Variants in FAF1 observed in about 807,000 individuals in gnomAD.
FAF1 encodes Fas associated factor 1.
A neutral mutation model predicts 92.5 loss-of-function variants in FAF1; 25 were observed. The ratio of observed to expected loss-of-function variants is 0.27; its 90% CI spans 0.20 to 0.38. FAF1 has a LOEUF of 0.38. Ranked by LOEUF, FAF1 falls within the 10% of genes least tolerant of loss-of-function variation. FAF1 has a pLI of 1.00. For missense variants in FAF1, 636 were observed against 793.3 expected (o/e 0.80, Z 2.38); for synonymous variants, 234 against 273.2 (o/e 0.86, Z 1.42).
intron 1 of FAF1, among the ~76,000 whole-genome samples, chr1:50,868,033 TAG>T (rs1448047573): frequency 2.6e-5 from 4 of 152,144 alleles, no homozygotes; most frequent in Admixed American, 1.3e-4. Context: ...CACAGCAACC[TAG>T]AAGGAGTTGA....
chr1:50,479,980 T>C (rs534246385), intron 17 of FAF1, among the ~76,000 whole-genome samples: 1 of 152,312 alleles, frequency 6.6e-6, no homozygotes, highest in South Asian at 2.1e-4. Context: ...GCAAACACTG[T>C]TGTAAAACAA....
intron 13 of FAF1, among the ~76,000 whole-genome samples, chr1:50,546,870 T>C (rs1420738498): frequency 1.3e-5 from 2 of 152,254 alleles, no homozygotes; most frequent in African/African-American, 4.8e-5. Flanking sequence ...CTGCATGTAA[T>C]CCCAAACCTT....
chr1:50,830,897 GA>G (rs1005919215), intron 2 of FAF1, among the ~76,000 whole-genome samples: 1 of 151,834 alleles, frequency 6.6e-6, no homozygotes, highest in Non-Finnish European at 1.5e-5. Flanking sequence ...CCATTTGGAA[GA>G]AAAAAACTTG....
intron 8 of FAF1, among the ~76,000 whole-genome samples, chr1:50,606,395 A>T (rs1180573496): frequency 6.6e-6 from 1 of 151,700 alleles, no homozygotes; most frequent in Non-Finnish European, 1.5e-5. Flanking sequence ...TTATAAAGAG[A>T]GAAGGGTTTC....
chr1:50,630,036 G>A (rs930292406), intron 8 of FAF1, among the ~76,000 whole-genome samples: 2 of 151,068 alleles, frequency 1.3e-5, no homozygotes, highest in African/African-American at 4.9e-5. Context: ...CCAGCCTGGC[G>A]ACAGAGCGAG....
At chr1:50,708,815 T>C (rs1657797697) in intron 6 of FAF1, among the ~76,000 whole-genome samples, 1 of 152,076 alleles carries the variant, frequency 6.6e-6, no homozygotes, top group Non-Finnish European at 1.5e-5. Flanking sequence ...AAGAAATAAC[T>C]GTTTCAAATA....
Position 50,744,694 on chromosome 1 carries a change from A to G in FAF1, c.449T>C (p.Val150Ala). 1 of 1,601,694 alleles carries G rather than the reference A, an allele frequency of 6.2e-7. No individual in the cohort carries two copies. The highest frequency in any genetic ancestry group is 8.5e-7 in the Non-Finnish European group (1 of 1,172,006). The change falls in exon 5 of 19, where the codon GTG becomes GCG. Residue 150 changes from valine to alanine, a missense_variant. Val to Ala is a moderately conservative substitution (Grantham distance 64, BLOSUM62 0). This residue lies in a region of FAF1 where 317 missense variants were observed against 342.4 expected (regional missense o/e 0.93). Transcript: ENST00000396153. ...AATTAAGAAACTCACACTGTCTTCC[A>G]CATCTCCCGTCTTCCAGCCTTTTAA... ...MLLKGWKTGD[V>A]EDSTVLKSLH...
chr1:50,928,940 C>G (rs1002530280), intron 1 of FAF1, among the ~76,000 whole-genome samples: 1 of 151,326 alleles, frequency 6.6e-6, no homozygotes, highest in African/African-American at 2.4e-5. Context: ...AAAGAAATAC[C>G]CAGGCATGGT....
At chr1:50,691,968 TC>T (rs1360662649) in intron 7 of FAF1, among the ~76,000 whole-genome samples, 1 of 152,152 alleles carries the variant, frequency 6.6e-6, no homozygotes, top group Non-Finnish European at 1.5e-5. Context: ...ACACCTGTAA[TC>T]CTTTGGGAGG....
intron 5 of FAF1, among the ~76,000 whole-genome samples, chr1:50,742,278 C>T (rs554421848): frequency 6.6e-6 from 1 of 151,760 alleles, no homozygotes; most frequent in African/African-American, 2.4e-5. Flanking sequence ...TGTACCGCTG[C>T]ACTCCAGCCT....
intron 8 of FAF1, among the ~76,000 whole-genome samples, chr1:50,642,033 T>C (rs1654356896): frequency 6.6e-6 from 1 of 151,830 alleles, no homozygotes; most frequent in African/African-American, 2.4e-5. Context: ...TGAAACCCCA[T>C]CTCTACTGAA....
chr1:50,676,573 C>G (rs1019681603), intron 7 of FAF1, among the ~76,000 whole-genome samples: 3 of 152,084 alleles, frequency 2.0e-5, no homozygotes, highest in African/African-American at 7.2e-5. Context: ...GTAATCCCAG[C>G]ACTTTGGGAG....
At chr1:50,897,675 G>T (rs958739711) in intron 1 of FAF1, among the ~76,000 whole-genome samples, 3 of 152,142 alleles carry the variant, frequency 2.0e-5, no homozygotes, top group Admixed American at 6.5e-5. Context: ...ATGGACTGTG[G>T]TATTGAACCC....
chr1:50,822,247 A>C (rs973234438), intron 2 of FAF1, among the ~76,000 whole-genome samples: 1 of 152,158 alleles, frequency 6.6e-6, no homozygotes, highest in East Asian at 1.9e-4. Context: ...AACTCTTCCA[A>C]GTAGATATCA....
chr1:50,518,397 T>C (rs1233376435), intron 15 of FAF1, among the ~76,000 whole-genome samples: 2 of 152,096 alleles, frequency 1.3e-5, no homozygotes, highest in Non-Finnish European at 2.9e-5. Flanking sequence ...TTGGCAATTA[T>C]GAACACAGCT....
chr1:50,481,558 T>C (rs892083593), intron 17 of FAF1, among the ~76,000 whole-genome samples: 35 of 152,168 alleles, frequency 2.3e-4, no homozygotes, highest in Non-Finnish European at 4.7e-4. Context: ...CTATACTATC[T>C]ATGTTTGTGT....
chr1:50,509,719 T>C (rs1189642794), intron 15 of FAF1, among the ~76,000 whole-genome samples: 1 of 152,096 alleles, frequency 6.6e-6, no homozygotes, highest in Admixed American at 6.5e-5. Flanking sequence ...ATTCCAGTCC[T>C]CCTTTCATCT....
At chr1:50,493,018 T>A (rs1005403921) in intron 15 of FAF1, among the ~76,000 whole-genome samples, 1 of 151,442 alleles carries the variant, frequency 6.6e-6, no homozygotes, top group Non-Finnish European at 1.5e-5. Flanking sequence ...CAGTCATCGA[T>A]TAAAGGATTA....
chr1:50,864,276 G>A (rs1317376366), intron 1 of FAF1, among the ~76,000 whole-genome samples: 2 of 149,150 alleles, frequency 1.3e-5, no homozygotes, highest in Non-Finnish European at 1.5e-5. Context: ...TGCTTTTCTA[G>A]TTCTTTTAAT....
Sources: allele counts gnomAD v4.1 joint callset (sites outside exome capture counted in the v4.1 genomes callset), GRCh38; gene constraint gnomAD v4.1.1; regional missense constraint gnomAD v4.1.1; transcripts MANE v1.5; gene names NCBI Gene and HGNC (gene_info 2026-07-23, HGNC 2026-07-21).